Variants in FRY observed in about 807,000 individuals in gnomAD.
FRY encodes the protein protein furry homolog.
In FRY, 128 loss-of-function variants were observed where a neutral mutation model predicts 348.4. The observed-to-expected ratio is 0.37, with a 90% CI of 0.32 to 0.43. FRY has a LOEUF of 0.43. FRY is among the 20% of genes least tolerant of loss of function. FRY has a pLI of 1.00. For synonymous variants in FRY, 1,370 were observed against 1,374.7 expected (o/e 1.00, Z 0.08); for missense variants, 2,736 against 3,695.2 (o/e 0.74, Z 6.73).
chr13:32,088,627 A>AATG (rs1876046944), intron 2 of FRY, among the ~76,000 whole-genome samples: 1 of 151,920 alleles, frequency 6.6e-6, no homozygotes, highest in Non-Finnish European at 1.5e-5. Flanking sequence ...GTGGCTCCTA[A>AATG]ATGGAACTTT....
chr13:32,186,145 G>A lies in FRY; in HGVS notation c.3320-115G>A, dbSNP rs1213503199. 5 of 845,662 alleles carry A rather than the reference G, an allele frequency of 5.9e-6. No homozygotes were observed. The African/African-American group carries it at 8.4e-5, about 14-fold the overall frequency. The allele number at this position is 845,662 out of a possible 1,614,324, so 52.4% of individuals were successfully genotyped here. A position where few individuals can be genotyped will look rare whatever the true frequency, so the allele number is the denominator to read the frequency against. The stretch of plus-strand genomic sequence containing the variant: ...TTAAGTGCATGTTTCATTGCCTAAA[G>A]AAAACTGTAGTTAAAAAATGAAGTG... On this transcript the variant is annotated intron_variant, in intron 26 of 60. Transcript: ENST00000542859.
intron 1 of FRY, among the ~76,000 whole-genome samples, chr13:32,059,270 G>A (rs540826989): frequency 6.6e-6 from 1 of 151,934 alleles, no homozygotes; most frequent in South Asian, 2.1e-4. Flanking sequence ...TAATAGCACT[G>A]GAGACTTGAG....
chr13:32,075,832 C>T (rs1056612428), intron 1 of FRY, among the ~76,000 whole-genome samples: 22 of 152,190 alleles, frequency 1.4e-4, no homozygotes, highest in South Asian at 2.1e-4. Flanking sequence ...CAGATGCCTA[C>T]GCTGATCTGT....
At chr13:32,046,404 C>T (rs1307906275) in intron 1 of FRY, among the ~76,000 whole-genome samples, 1 of 152,198 alleles carries the variant, frequency 6.6e-6, no homozygotes, top group East Asian at 1.9e-4. Flanking sequence ...TCTACCCTAG[C>T]CTGATGCTGC....
intron 44 of FRY, among the ~76,000 whole-genome samples, chr13:32,238,514 G>T (rs1237505466): frequency 6.6e-6 from 1 of 152,006 alleles, no homozygotes; most frequent in South Asian, 2.1e-4. Context: ...GTTCAGTGGC[G>T]TGATCTCGGC....
intron 35 of FRY, among the ~76,000 whole-genome samples, chr13:32,218,019 T>C (rs1885098750): frequency 6.6e-6 from 1 of 152,204 alleles, no homozygotes; most frequent in Non-Finnish European, 1.5e-5. Flanking sequence ...AAGTCCAAGA[T>C]TTATTATAAA....
chr13:32,202,438 C>T lies in FRY; in HGVS notation c.3929C>T (p.Pro1310Leu), dbSNP rs757108918. The change falls in exon 31 of 61, where the codon CCG becomes CTG. Residue 1310 changes from proline to leucine, a missense_variant. By Grantham distance (98) the Pro-to-Leu change is moderately conservative. This residue lies in a region of FRY where 794 missense variants were observed against 977.0 expected (regional missense o/e 0.81). Coordinates refer to ENST00000542859, the MANE Select transcript of FRY (RefSeq NM_023037.3). Reference protein sequence around the residue: ...PGSILYGTHGPLPPLYSVSLA... With the variant: ...PGSILYGTHGLLPPLYSVSLA... ...AGTATTCTCTATGGAACACACGGCC[C>T]GCTGCCACCCCTCTACAGCGTGTCA... 92 of 1,613,760 alleles carry T rather than the reference C, an allele frequency of 5.7e-5. 1 individual carries two copies. The highest frequency in any genetic ancestry group is 1.6e-4 in the Middle Eastern group (1 of 6,084).
At chr13:32,166,548 C>T (rs565323820) in intron 17 of FRY, among the ~76,000 whole-genome samples, 15 of 152,230 alleles carry the variant, frequency 9.9e-5, no homozygotes, top group South Asian at 8.3e-4. Context: ...ATTTTTTTCC[C>T]GCTTTATAAT....
chr13:32,119,494 GAATC>G (rs1464150974), intron 4 of FRY, among the ~76,000 whole-genome samples: 1 of 151,874 alleles, frequency 6.6e-6, no homozygotes, highest in Non-Finnish European at 1.5e-5. Context: ...AAATAAAATA[GAATC>G]AAAGGTCTAC....
intron 48 of FRY, among the ~76,000 whole-genome samples, chr13:32,248,899 A>T (rs1886935732): frequency 6.6e-6 from 1 of 152,178 alleles, no homozygotes; most frequent in South Asian, 2.1e-4. Flanking sequence ...CTCAGGAGCC[A>T]GGTGTAAAAT....
chr13:32,076,724 G>A (rs1875085118), intron 1 of FRY, among the ~76,000 whole-genome samples: 1 of 152,064 alleles, frequency 6.6e-6, no homozygotes, highest in Non-Finnish European at 1.5e-5. Context: ...TATTTAAGGA[G>A]ATTTATTGAG....
At chr13:32,095,764 A>G (rs1458074013) in intron 2 of FRY, among the ~76,000 whole-genome samples, 1 of 152,102 alleles carries the variant, frequency 6.6e-6, no homozygotes, top group African/African-American at 2.4e-5. Flanking sequence ...GATTTTCCCC[A>G]ATGTTTTCTT....
intron 3 of FRY, among the ~76,000 whole-genome samples, chr13:32,102,440 C>T (rs184453819): frequency 2.5e-3 from 383 of 152,238 alleles, no homozygotes; most frequent in Non-Finnish European, 4.5e-3. Flanking sequence ...CTACTATTTG[C>T]TTGACGCTGT....
At chr13:32,236,665 T>G (rs1433688888) in intron 43 of FRY, among the ~76,000 whole-genome samples, 1 of 152,208 alleles carries the variant, frequency 6.6e-6, no homozygotes, top group African/African-American at 2.4e-5. Flanking sequence ...TGTTTAATAA[T>G]TCATTTCAAA....
intron 28 of FRY, among the ~76,000 whole-genome samples, chr13:32,193,570 A>C (rs1883482883): frequency 6.6e-6 from 1 of 150,900 alleles, no homozygotes; most frequent in Non-Finnish European, 1.5e-5. Context: ...TGCAAAAAAA[A>C]TTGCCAATAA....
At chr13:32,290,674 C>CT (rs1889295975) in intron 59 of FRY, among the ~76,000 whole-genome samples, 1 of 151,960 alleles carries the variant, frequency 6.6e-6, no homozygotes, top group Non-Finnish European at 1.5e-5. Context: ...CTGATGACAG[C>CT]TAGAACAGAG....
Position 32,295,311 on chromosome 13 carries a change from C to G in FRY, c.8893C>G (p.Leu2965Val), listed in dbSNP as rs754524613. 1.3e-5 allele frequency: 21 copies of G among 1,613,754 alleles called. No homozygotes were observed. The South Asian group carries it at 2.2e-4, about 17-fold the overall frequency. Residue 2965 changes from leucine to valine, a missense_variant, in exon 61 of 61, where the codon CTG becomes GTG. Leu to Val is a conservative substitution (Grantham distance 32). Coordinates refer to ENST00000542859, the MANE Select transcript of FRY (RefSeq NM_023037.3). Reference protein sequence around the residue: ...QTLGQTGTYALVGSNQSLTEI... With the variant: ...QTLGQTGTYAVVGSNQSLTEI... ...TCTGGGACAGACGGGTACTTATGCCCTGGTGGGGTCTAACCAGAGCCTGAC... is the reference window on the plus strand; with the variant it reads ...TCTGGGACAGACGGGTACTTATGCCGTGGTGGGGTCTAACCAGAGCCTGAC...
At chr13:32,211,586 C>G (rs1884689174) in intron 34 of FRY, among the ~76,000 whole-genome samples, 1 of 152,218 alleles carries the variant, frequency 6.6e-6, no homozygotes, top group Non-Finnish European at 1.5e-5. Flanking sequence ...CGATCCCAGC[C>G]AGGACATTGC....
intron 28 of FRY, among the ~76,000 whole-genome samples, chr13:32,191,984 G>GA (rs1883363431): frequency 1.3e-5 from 2 of 152,220 alleles, no homozygotes; most frequent in Non-Finnish European, 1.5e-5. Flanking sequence ...CATTTATATA[G>GA]ACCTCAAAAA....
Sources: gnomAD v4.1 joint callset for allele counts (sites outside exome capture counted in the v4.1 genomes callset) on GRCh38, gnomAD v4.1.1 for gene constraint, gnomAD v4.1.1 regional missense constraint, MANE v1.5 for transcripts, NCBI Gene and HGNC (gene_info 2026-07-23, HGNC 2026-07-21) for gene names.